The following FER1L5 variants were observed in gnomAD, a reference collection of about 807,000 sequenced individuals.
The protein encoded by FER1L5 is fer-1 like family member 5, also known as fer-1-like protein 5.
A neutral mutation model predicts 279.9 loss-of-function variants in FER1L5; 187 were observed. The ratio of observed to expected loss-of-function variants is 0.67; its 90% CI spans 0.59 to 0.75. The LOEUF (loss-of-function observed/expected upper bound fraction) is 0.75, where lower values mean the gene tolerates loss of function less well. Ranked by LOEUF, FER1L5 falls within the 30% of genes least tolerant of loss-of-function variation. FER1L5 has a pLI of 0.00. For synonymous variants in FER1L5, 921 were observed against 989.7 expected (o/e 0.93, Z 1.30); for missense variants, 2,091 against 2,594.4 (o/e 0.81, Z 4.21).
chr2:96,669,489 C>G lies in FER1L5; in HGVS notation c.1362+352C>G, dbSNP rs550286869. 7.4e-4 allele frequency among the ~76,000 whole-genome samples: 113 copies of G among 152,256 alleles called. No individual in the cohort carries two copies. The Middle Eastern group carries it at 0.01, about 14-fold the overall frequency. ...GGCGGTAAATGCCAGAAACCCGACTCGAACAGGCTTAAACCCAGGGAAAAA... is the reference window on the plus strand; with the variant it reads ...GGCGGTAAATGCCAGAAACCCGACTGGAACAGGCTTAAACCCAGGGAAAAA... On this transcript the variant is annotated intron_variant, in intron 17 of 52. Coordinates refer to ENST00000624922, the MANE Select transcript of FER1L5 (RefSeq NM_001293083.2).
Position 96,674,992 on chromosome 2 carries a change from C to A in FER1L5, c.1669+1738C>A, listed in dbSNP as rs2076460045. 2.0e-5 allele frequency among the ~76,000 whole-genome samples: 3 copies of A among 152,144 alleles called. No homozygotes were observed. The South Asian group carries it at 6.2e-4, about 32-fold the overall frequency. ...CACCTTCTTGCTTTTCTTTTTAATT[C>A]TTCACCTGTGAATGAAATCCTAAAC... On this transcript the variant is annotated intron_variant, in intron 19 of 52. Transcript: ENST00000624922.
At chr2:96,647,202 C>G (rs763506837) in intron 3 of FER1L5, 47 bp downstream of exon 3, 2 of 1,521,790 alleles carry the variant, frequency 1.3e-6, no homozygotes, top group Non-Finnish European at 8.9e-7. Flanking sequence ...ACCAACGCAG[C>G]AGCAAGTTAT....
intron 19 of FER1L5, among the ~76,000 whole-genome samples, chr2:96,677,123 T>G (rs1376410150): frequency 6.6e-6 from 1 of 152,276 alleles, no homozygotes; most frequent in Admixed American, 6.5e-5. Context: ...ATTACAGGCG[T>G]GGGCCACGAT....
intron 13 of FER1L5, 56 bp downstream of exon 13, chr2:96,662,323 T>TGGAGA: frequency 1.3e-6 from 2 of 1,520,974 alleles, no homozygotes; most frequent in South Asian, 2.4e-5. Flanking sequence ...GAAAGTAGTT[T>TGGAGA]GGAGAGGAGG....
At chr2:96,682,109 T>C (rs2076752124) in intron 19 of FER1L5, among the ~76,000 whole-genome samples, 1 of 140,076 alleles carries the variant, frequency 7.1e-6, no homozygotes, top group African/African-American at 2.7e-5. Context: ...GTTTTCGAGG[T>C]GGAGTCTGGC....
intron 18 of FER1L5, 29 bp downstream of exon 18, chr2:96,670,276 A>G: frequency 1.9e-6 from 3 of 1,549,648 alleles, no homozygotes; most frequent in Non-Finnish European, 2.6e-6. Flanking sequence ...TAACCCAGGG[A>G]AAAACAAGAG....
chr2:96,698,919 G>C lies in FER1L5; in HGVS notation c.4518+87G>C. 1.3e-6 allele frequency: 2 copies of C among 1,532,052 alleles called. No homozygotes were observed. The highest frequency in any genetic ancestry group is 2.0e-5 in the Admixed American group (1 of 50,678). The allele number at this position is 1,532,052 out of a possible 1,614,324, so 94.9% of individuals were successfully genotyped here. On this transcript the variant is annotated intron_variant, in intron 41 of 52. Transcript: ENST00000624922. This position sits in a 1 kb window ranked among gnomAD's most constrained non-coding sequence, Gnocchi z 5.5. ...AGCCCCCTCCGACTGCTGACACACA[G>C]AATGCCAACTCCCCATAGGCTCCGT...
intron 9 of FER1L5, among the ~76,000 whole-genome samples, chr2:96,655,912 A>G (rs547843248): frequency 9.9e-5 from 15 of 151,942 alleles, no homozygotes; most frequent in Middle Eastern, 3.4e-3. Flanking sequence ...GGGTCTCACT[A>G]TGTTACCCAG....
Position 96,689,081 on chromosome 2 carries a change from GGCCCTTTCTT to G in FER1L5, c.2362-128_2362-119del. 1 of 1,088,836 alleles carries G rather than the reference GGCCCTTTCTT, an allele frequency of 9.2e-7. No individual in the cohort carries two copies. The highest frequency in any genetic ancestry group is 1.3e-6 in the Non-Finnish European group (1 of 771,422). The allele number at this position is 1,088,836 out of a possible 1,614,324, so 67.4% of individuals were successfully genotyped here. A position where few individuals can be genotyped will look rare whatever the true frequency, so the allele number is the denominator to read the frequency against. On this transcript the variant is annotated intron_variant, in intron 24 of 52. Coordinates refer to ENST00000624922, the MANE Select transcript of FER1L5 (RefSeq NM_001293083.2). This position sits in a 1 kb window ranked among gnomAD's most constrained non-coding sequence, Gnocchi z 4.6. ...GCCCTCACCTGTGCAATGGGGACAT[GGCCCTTTCTT>G]GCCTGGCTACCACATTTTTAGGATG...
chr2:96,647,810 C>T lies in FER1L5; in HGVS notation c.263C>T (p.Pro88Leu). The change falls in exon 4 of 53, where the codon CCA becomes CTA. Residue 88 changes from proline to leucine, a missense_variant. Coordinates refer to ENST00000624922, the MANE Select transcript of FER1L5 (RefSeq NM_001293083.2). ...GGCCTGGCCACAGTACTGCTCAAGC[C>T]ATTGTTGAAACAACCAAGTGAGGTC... ...FIGLATVLLK[P>L]LLKQPSEVLF... 1 of 1,551,786 alleles carries T rather than the reference C, an allele frequency of 6.4e-7. No individual in the cohort carries two copies. Among genetic ancestry groups the T allele is most frequent in the Non-Finnish European group, 8.7e-7 (1 of 1,147,010 alleles).
At chr2:96,651,774 T>C (rs759981667) in intron 6 of FER1L5, 118 bp from the exon 7 acceptor site, 192 of 1,430,440 alleles carry the variant, frequency 1.3e-4, no homozygotes, top group Non-Finnish European at 1.8e-4. Flanking sequence ...CCCAAAGTGC[T>C]GGGATTACAG....
In FER1L5 at chr2:96,699,820, C is replaced by A; in HGVS notation, c.4781+100C>A. ...CCTGCATCCTGGGCGGGAACCAGGGCCCAGACCTGCCCAGTCTCCACCCAA... is the reference window on the plus strand; with the variant it reads ...CCTGCATCCTGGGCGGGAACCAGGGACCAGACCTGCCCAGTCTCCACCCAA... On this transcript the variant is annotated intron_variant, in intron 43 of 52. Transcript: ENST00000624922. 3.8e-6 allele frequency: 6 copies of A among 1,574,956 alleles called. No individual in the cohort carries two copies. In the Admixed American group the frequency reaches 1.1e-4, roughly 28 times the overall value.
rs1166956585 is a variant in FER1L5 at position 96,700,457 on chromosome 2, C to A, written c.5056C>A (p.Pro1686Thr). Residue 1686 changes from proline (P) to threonine (T), a missense_variant, in exon 45 of 53, where the codon CCA becomes ACA. Pro to Thr is a conservative substitution (Grantham distance 38). Coordinates refer to ENST00000624922, the MANE Select transcript of FER1L5 (RefSeq NM_001293083.2). The part of the protein sequence containing the change: ...ETRTLYSHSQ[P>T]GIDQGKVQMW... ...CCGCACACTGTACAGCCACAGCCAG[C>A]CAGGCATCGACCAGGTATGAGACTG... 1.9e-6 allele frequency: 3 copies of A among 1,613,330 alleles called. No homozygotes were observed. Among genetic ancestry groups the A allele is most frequent in the Non-Finnish European group, 1.7e-6 (2 of 1,179,896 alleles).
Position 96,702,834 on chromosome 2 carries a change from C to A in FER1L5, c.5397+93C>A. The A allele has an allele frequency of 1.3e-6, 2 of 1,556,480 alleles. No individual in the cohort carries two copies. The highest frequency in any genetic ancestry group is 8.7e-7 in the Non-Finnish European group (1 of 1,149,958). ...CCCCACCCCTCCAGAGGCTTGCAATCTGTCCCAGAACATCAGAAACATGTC... is the reference window on the plus strand; with the variant it reads ...CCCCACCCCTCCAGAGGCTTGCAATATGTCCCAGAACATCAGAAACATGTC... On this transcript the variant is annotated intron_variant, in intron 48 of 52. Transcript: ENST00000624922. This position sits in a 1 kb window ranked among gnomAD's most constrained non-coding sequence, Gnocchi z 4.0.
intron 8 of FER1L5, chr2:96,653,999 T>C (rs187746440): frequency 6.2e-4 from 272 of 437,452 alleles, no homozygotes; most frequent in African/African-American, 5.1e-3. Context: ...AGTAGAATAC[T>C]CCATTCCCTA....
chr2:96,687,756 G>C, intron 23 of FER1L5, 60 bp from the exon 24 acceptor site: 1 of 1,539,944 alleles, frequency 6.5e-7, no homozygotes, highest in Non-Finnish European at 8.8e-7. Flanking sequence ...CTTGGGGGGT[G>C]GCCGGGGTGG....
chr2:96,687,762 G>A, intron 23 of FER1L5, 54 bp from the exon 24 acceptor site: 2 of 1,542,804 alleles, frequency 1.3e-6, no homozygotes, highest in Non-Finnish European at 1.8e-6. Flanking sequence ...GGGTGGCCGG[G>A]GTGGCGTTCA....
chr2:96,668,847 G>A (rs896493054), intron 15 of FER1L5, 39 bp from the exon 16 acceptor site: 3 of 1,551,648 alleles, frequency 1.9e-6, no homozygotes, highest in Non-Finnish European at 2.6e-6. Flanking sequence ...AATGAGAGCT[G>A]GGCCGGGGGC....
intron 1 of FER1L5, among the ~76,000 whole-genome samples, chr2:96,644,622 G>A (rs551347346): frequency 6.6e-6 from 1 of 152,290 alleles, no homozygotes; most frequent in Non-Finnish European, 1.5e-5. Context: ...GAGAAAACCG[G>A]GCCCAAGAGA....
Sources: gnomAD v4.1 joint callset for allele counts (sites outside exome capture counted in the v4.1 genomes callset) on GRCh38, gnomAD v4.1.1 for gene constraint, Gnocchi (gnomAD v3.1) non-coding constraint, MANE v1.5 for transcripts, NCBI Gene and HGNC (gene_info 2026-07-23, HGNC 2026-07-21) for gene names.